PDE10A: variants seen among roughly 807,000 people sequenced by gnomAD.
PDE10A encodes the protein phosphodiesterase 10A, also known as cAMP and cAMP-inhibited cGMP 3',5'-cyclic phosphodiesterase 10A.
PDE10A carries 39 observed loss-of-function variants against 97.7 expected under a neutral mutation model. The ratio of observed to expected loss-of-function variants is 0.40; its 90% confidence interval spans 0.31 to 0.52. The LOEUF (loss-of-function observed/expected upper bound fraction) is 0.52. Among genes scored for constraint, PDE10A ranks in the 20% least tolerant of loss-of-function variants. The pLI is 0.56. For synonymous variants in PDE10A, 371 were observed against 376.8 expected (o/e 0.98, Z 0.18); for missense variants, 731 against 1,047.8 (o/e 0.70, Z 4.17).
chr6:165,644,445 T>A (rs1041339477), intron 1 of PDE10A, among the ~76,000 whole-genome samples: 1 of 152,150 alleles, frequency 6.6e-6, no homozygotes, highest in African/African-American at 2.4e-5. Context: ...GGTGTGCCCA[T>A]AGGAAGCAGC....
intron 1 of PDE10A, among the ~76,000 whole-genome samples, chr6:165,645,288 G>A (rs1789338487): frequency 6.6e-6 from 1 of 152,120 alleles, no homozygotes; most frequent in South Asian, 2.1e-4. Flanking sequence ...CCTTTTACTG[G>A]CTCTCCCTTC....
chr6:165,609,595 A>G (rs1176051607), intron 1 of PDE10A, among the ~76,000 whole-genome samples: 1 of 152,210 alleles, frequency 6.6e-6, no homozygotes, highest in Non-Finnish European at 1.5e-5. Context: ...ACATGATTGT[A>G]TATCTAGAAA....
At position 165,402,253 on chromosome 6, in the gene PDE10A, A is replaced by G. The variant is rs536922349; in HGVS notation, c.2077-5794T>C. Among the ~76,000 whole-genome samples the G allele has an allele frequency of 3.9e-5, 6 of 152,220 alleles. No homozygotes were observed. In the East Asian group the frequency reaches 1.2e-3, roughly 29 times the overall value. On this transcript the variant is annotated intron_variant, in intron 13 of 21. Coordinates refer to ENST00000539869, the MANE Select transcript of PDE10A (RefSeq NM_001385079.1). ...ACAATTTTTGATATTAATATATTGA[A>G]AATACGTAAAAATTTAAATTAAAAT...
At chr6:165,740,333 AG>A (rs1792688707) in intron 1 of PDE10A, among the ~76,000 whole-genome samples, 1 of 151,984 alleles carries the variant, frequency 6.6e-6, no homozygotes, top group Non-Finnish European at 1.5e-5. Flanking sequence ...AGAGAGAGAG[AG>A]AGAGAGAGAG....
intron 1 of PDE10A, among the ~76,000 whole-genome samples, chr6:165,564,139 C>T (rs1784659717): frequency 6.6e-6 from 1 of 152,122 alleles, no homozygotes; most frequent in African/African-American, 2.4e-5. Context: ...AATACATATC[C>T]TTTAAAATAA....
chr6:165,933,988 C>CG (rs1299591704), intron 1 of PDE10A, among the ~76,000 whole-genome samples: 4 of 140,302 alleles, frequency 2.9e-5, no homozygotes, highest in Admixed American at 7.2e-5. Context: ...CATCAATTCC[C>CG]TTTTTTTTTT....
At chr6:165,576,745 T>TA (rs1785326834) in intron 1 of PDE10A, among the ~76,000 whole-genome samples, 1 of 152,220 alleles carries the variant, frequency 6.6e-6, no homozygotes, top group African/African-American at 2.4e-5. Context: ...CTTCAGTCCC[T>TA]AAATGCAAAT....
intron 10 of PDE10A, among the ~76,000 whole-genome samples, chr6:165,421,038 AAC>A (rs1366586143): frequency 6.6e-6 from 1 of 152,244 alleles, no homozygotes; most frequent in Admixed American, 6.5e-5. Context: ...CAATATTAAA[AAC>A]AGAGTTTATT....
At chr6:165,647,553 CA>C (rs1789463851) in intron 1 of PDE10A, among the ~76,000 whole-genome samples, 1 of 151,346 alleles carries the variant, frequency 6.6e-6, no homozygotes, top group African/African-American at 2.4e-5. Flanking sequence ...GTTCTTTTTC[CA>C]AAAATTCTTC....
intron 2 of PDE10A, among the ~76,000 whole-genome samples, chr6:165,498,105 T>G (rs1780644620): frequency 6.6e-6 from 1 of 151,940 alleles, no homozygotes; most frequent in South Asian, 2.1e-4. Context: ...GTCCAAAGCT[T>G]TCTTACTATA....
chr6:165,930,160 G>C (rs942097750), intron 1 of PDE10A, among the ~76,000 whole-genome samples: 2 of 152,206 alleles, frequency 1.3e-5, no homozygotes, highest in Non-Finnish European at 2.9e-5. Flanking sequence ...CTCCAGGCAT[G>C]AGGGTGGCAG....
intron 16 of PDE10A, among the ~76,000 whole-genome samples, chr6:165,391,190 T>C (rs1278303241): frequency 6.6e-6 from 1 of 152,208 alleles, no homozygotes; most frequent in African/African-American, 2.4e-5. Context: ...CTTCTAACAG[T>C]TCTTTTAGAG....
intron 1 of PDE10A, among the ~76,000 whole-genome samples, chr6:165,902,124 A>G (rs929961784): frequency 1.3e-5 from 2 of 152,194 alleles, no homozygotes; most frequent in Non-Finnish European, 2.9e-5. Context: ...TATACCTAGG[A>G]CTGCATGGAT....
intron 1 of PDE10A, among the ~76,000 whole-genome samples, chr6:165,932,940 A>T (rs889535084): frequency 4.6e-5 from 7 of 152,164 alleles, no homozygotes; most frequent in African/African-American, 1.7e-4. Flanking sequence ...AGGGCTGGGG[A>T]AGAGGCAGGA....
intron 2 of PDE10A, among the ~76,000 whole-genome samples, chr6:165,493,495 A>T (rs1213078012): frequency 1.3e-5 from 2 of 152,186 alleles, no homozygotes; most frequent in Non-Finnish European, 2.9e-5. Flanking sequence ...AGGCATATAG[A>T]CCAATGCAAA....
At position 165,428,724 on chromosome 6, in the gene PDE10A, CAT is replaced by C. The variant is rs1402007736; in HGVS notation, c.1602-17_1602-16del. On this transcript the variant is annotated splice_polypyrimidine_tract_variant and intron_variant, in intron 9 of 21. Transcript: ENST00000539869. Reference sequence around the variant, plus strand: ...CAAAATATGTTCTGAAAAAAAGAAACATAAATCCTGTAAGTAATTTCATTAGT... The same window carrying C: ...CAAAATATGTTCTGAAAAAAAGAAACAAATCCTGTAAGTAATTTCATTAGT... 1.9e-6 allele frequency: 2 copies of C among 1,056,940 alleles called. No individual in the cohort carries two copies. The allele number at this position is 1,056,940 out of a possible 1,614,324, so 65.5% of individuals were successfully genotyped here.
chr6:165,683,080 A>G lies in PDE10A; in HGVS notation c.-614-139512T>C, dbSNP rs117082833. 7.5e-3 allele frequency among the ~76,000 whole-genome samples: 1,139 copies of G among 152,352 alleles called. 18 individuals carry two copies. The highest frequency in any genetic ancestry group is 0.026 in the African/African-American group (1,079 of 41,578). ...CAACATTCAGCACAGCTCCTAGCACATGGTGCGTACTCACAAAATTATTTG... is the reference window on the plus strand; with the variant it reads ...CAACATTCAGCACAGCTCCTAGCACGTGGTGCGTACTCACAAAATTATTTG... On this transcript the variant is annotated intron_variant, in intron 1 of 19. Transcript: ENST00000366882.
intron 1 of PDE10A, among the ~76,000 whole-genome samples, chr6:165,632,820 A>G (rs1200515303): frequency 6.6e-6 from 1 of 152,188 alleles, no homozygotes; most frequent in Non-Finnish European, 1.5e-5. Context: ...AACACCAGCT[A>G]CAGGACATTT....
chr6:165,635,925 C>T (rs1300308289), intron 1 of PDE10A, among the ~76,000 whole-genome samples: 1 of 152,204 alleles, frequency 6.6e-6, no homozygotes, highest in Non-Finnish European at 1.5e-5. Flanking sequence ...CAGTAAGCTG[C>T]CTGTATGCAG....
Sources: allele counts gnomAD v4.1 joint callset (sites outside exome capture counted in the v4.1 genomes callset), GRCh38; gene constraint gnomAD v4.1.1; transcripts MANE v1.5; gene names NCBI Gene and HGNC (gene_info 2026-07-23, HGNC 2026-07-21).